Variants in AFG3L2 observed in about 807,000 individuals in gnomAD.
The protein encoded by AFG3L2 is AFG3 like matrix AAA peptidase subunit 2.
In AFG3L2, 54 loss-of-function variants were observed where a neutral mutation model predicts 94.5. That is an observed-to-expected ratio of 0.57 (90% CI 0.46 to 0.72). The LOEUF (loss-of-function observed/expected upper bound fraction) is 0.72, where lower values mean the gene tolerates loss of function less well. AFG3L2 is among the 30% of genes least tolerant of loss of function. The probability of loss-of-function intolerance (pLI) is 0.00; values close to 1 mark genes in which losing one functional copy is unlikely to be tolerated. For missense variants in AFG3L2, 754 were observed against 994.9 expected, an observed-to-expected ratio of 0.76 and a Z score of 3.26; for synonymous variants, 377 against 365.5, an observed-to-expected ratio of 1.03 and a Z score of -0.36.
chr18:12,353,313 G>A (rs928486362), intron 9 of AFG3L2, among the ~76,000 whole-genome samples, 155 bp from the exon 10 acceptor site: 3 of 152,000 alleles, frequency 2.0e-5, no homozygotes, highest in East Asian at 1.9e-4. Context: ...TCAGGAGTTC[G>A]AGACCAGCCT....
chr18:12,348,150 G>A lies in AFG3L2; in HGVS notation c.1663+123C>T, dbSNP rs369782719. ...CATGACACCAAGAGAGCACAAATGTGGTGGGCCCCAGGGCTGAGTGGATAC... is the reference window on the plus strand; with the variant it reads ...CATGACACCAAGAGAGCACAAATGTAGTGGGCCCCAGGGCTGAGTGGATAC... On this transcript the variant is annotated intron_variant, in intron 13 of 16. Transcript: ENST00000269143. 1,624 of 792,828 alleles carry A rather than the reference G, an allele frequency of 2.0e-3. 39 individuals are homozygous for A. The South Asian group carries it at 0.023, about 11-fold the overall frequency. 49.1% of individuals were successfully genotyped at this position (792,828 alleles called of 1,614,324 possible).
intron 16 of AFG3L2, among the ~76,000 whole-genome samples, chr18:12,332,611 C>T (rs1196025381): frequency 1.3e-5 from 2 of 151,478 alleles, no homozygotes; most frequent in Non-Finnish European, 1.5e-5. Context: ...TAGAAACATT[C>T]TTGTTTCAGC....
intron 12 of AFG3L2, among the ~76,000 whole-genome samples, chr18:12,350,139 C>G (rs1293827594): frequency 6.6e-6 from 1 of 151,356 alleles, no homozygotes; most frequent in Non-Finnish European, 1.5e-5. Context: ...GCCTCCCGAA[C>G]AGCTGGGATT....
intron 13 of AFG3L2, among the ~76,000 whole-genome samples, chr18:12,345,503 A>G (rs1487174966): frequency 6.6e-6 from 1 of 152,236 alleles, no homozygotes; most frequent in East Asian, 1.9e-4. Flanking sequence ...CAAGACAAGC[A>G]TATGCCACAG....
chr18:12,337,290 A>C (rs1173342722), intron 16 of AFG3L2, 51 bp downstream of exon 16: 1 of 1,542,776 alleles, frequency 6.5e-7, no homozygotes, highest in South Asian at 1.1e-5. Flanking sequence ...CTATCACTTC[A>C]ATCTTTTTTT....
At chr18:12,345,432 T>C (rs920047059) in intron 13 of AFG3L2, among the ~76,000 whole-genome samples, 5 of 152,250 alleles carry the variant, frequency 3.3e-5, no homozygotes, top group African/African-American at 1.2e-4. Context: ...TGAGAATTTC[T>C]CAGCTGATGT....
chr18:12,371,724 A>G (rs750684566), intron 1 of AFG3L2, 33 bp from the exon 2 acceptor site: 13 of 1,576,612 alleles, frequency 8.2e-6, no homozygotes, highest in South Asian at 1.1e-5. Context: ...AACCATAGTT[A>G]TATCAAGATA....
At position 12,329,912 on chromosome 18, in the gene AFG3L2, A is replaced by G. The variant is rs1014512948; in HGVS notation, c.2176-129T>C. ...GACCAATGAAAAAGATGTCTCATAC[A>G]TAAGGTTGCATAGTTTTAGAGTAAG... On this transcript the variant is annotated intron_variant, in intron 16 of 16. Transcript: ENST00000269143. 9 of 793,762 alleles carry G rather than the reference A, an allele frequency of 1.1e-5. No individual in the cohort carries two copies. In the African/African-American group the frequency reaches 1.6e-4, roughly 14 times the overall value. 49.2% of individuals were successfully genotyped at this position (793,762 alleles called of 1,614,324 possible).
chr18:12,375,087 G>A (rs2143246395), intron 1 of AFG3L2, among the ~76,000 whole-genome samples: 1 of 151,034 alleles, frequency 6.6e-6, no homozygotes, highest in South Asian at 2.1e-4. Context: ...GAAAAGAAAA[G>A]GGATCAGAGC....
intron 3 of AFG3L2, among the ~76,000 whole-genome samples, chr18:12,368,032 T>A (rs1908862295): frequency 6.6e-6 from 1 of 152,124 alleles, no homozygotes. Context: ...CTGGGCATGG[T>A]GGCGCATGCC....
intron 16 of AFG3L2, among the ~76,000 whole-genome samples, chr18:12,335,713 C>G (rs1291194448): frequency 6.6e-6 from 1 of 152,242 alleles, no homozygotes; most frequent in Admixed American, 6.5e-5. Context: ...CTTCCTTCAG[C>G]TCTATGACCT....
At position 12,339,044 on chromosome 18, in the gene AFG3L2, G is replaced by A. The variant is rs115140920; in HGVS notation, c.1980+1157C>T. Among the ~76,000 whole-genome samples, 374 of 151,674 alleles carry A rather than the reference G, an allele frequency of 2.5e-3. 1 individual carries two copies. Among genetic ancestry groups the A allele is most frequent in the African/African-American group, 8.8e-3 (364 of 41,336 alleles). Reference sequence around the variant, plus strand: ...CCAAGGCGGGCGGATCACCAGGTCAGGAGACAAGACCATCCTGGCTAACAC... The same window carrying A: ...CCAAGGCGGGCGGATCACCAGGTCAAGAGACAAGACCATCCTGGCTAACAC... On this transcript the variant is annotated intron_variant, in intron 15 of 16. Transcript: ENST00000269143.
In AFG3L2 at chr18:12,350,823, C is replaced by T. The variant is rs544642109; in HGVS notation, c.1552+262G>A. 2.6e-5 allele frequency among the ~76,000 whole-genome samples: 4 copies of T among 152,222 alleles called. No individual in the cohort carries two copies. The East Asian group carries it at 5.8e-4, about 22-fold the overall frequency. On this transcript the variant is annotated intron_variant, in intron 12 of 16. Transcript: ENST00000269143. ...ATTAGCTGGGCATGGTGGTACATGCCTGTAGTCCCAGCTACAAACAAGGCT... is the reference window on the plus strand; with the variant it reads ...ATTAGCTGGGCATGGTGGTACATGCTTGTAGTCCCAGCTACAAACAAGGCT...
At position 12,337,200 on chromosome 18, in the gene AFG3L2, G is replaced by A. The variant is rs573683362; in HGVS notation, c.2175+141C>T. ...CCCGCTTGAAGACAGAGCAGACAAC[G>A]AAACATCAGAACGAACGGACCCATG... On this transcript the variant is annotated intron_variant, in intron 16 of 16. Coordinates refer to ENST00000269143, the MANE Select transcript of AFG3L2 (RefSeq NM_006796.3). 9 of 777,420 alleles carry A rather than the reference G, an allele frequency of 1.2e-5. No individual in the cohort carries two copies. In the East Asian group the frequency reaches 1.5e-4, roughly 13 times the overall value. 48.2% of individuals were successfully genotyped at this position (777,420 alleles called of 1,614,324 possible).
chr18:12,358,251 C>T (rs1368631591), intron 8 of AFG3L2, among the ~76,000 whole-genome samples: 1 of 152,196 alleles, frequency 6.6e-6, no homozygotes, highest in African/African-American at 2.4e-5. Flanking sequence ...GTGCTGTGTC[C>T]TCTCCACTGG....
At chr18:12,337,241 G>C (rs987408543) in intron 16 of AFG3L2, 100 bp downstream of exon 16, 16 of 1,045,440 alleles carry the variant, frequency 1.5e-5, no homozygotes, top group Non-Finnish European at 2.2e-5. Context: ...GCCAGAGAGA[G>C]GGAATTCTGC....
At chr18:12,363,500 A>G (rs1208769056) in intron 6 of AFG3L2, among the ~76,000 whole-genome samples, 1 of 152,214 alleles carries the variant, frequency 6.6e-6, no homozygotes, top group Non-Finnish European at 1.5e-5. Flanking sequence ...GTCACAGACT[A>G]TTCTGGAATA....
Position 12,329,095 on chromosome 18 carries a change from T to C in AFG3L2, c.*470A>G, listed in dbSNP as rs1907425302. On this transcript the variant is annotated 3_prime_UTR_variant, in exon 17 of 17. Transcript: ENST00000269143. ...AGTGATCTGGATTCAATCTTTAAAATATTAAGTCAAATTAAAATGTTCTTA... is the reference window on the plus strand; with the variant it reads ...AGTGATCTGGATTCAATCTTTAAAACATTAAGTCAAATTAAAATGTTCTTA... The C allele has an allele frequency of 1.4e-5, 10 of 702,292 alleles. No individual in the cohort carries two copies. In the Admixed American group the frequency reaches 2.0e-4, roughly 14 times the overall value. The allele number at this position is 702,292 out of a possible 1,614,324, so 43.5% of individuals were successfully genotyped here.
intron 16 of AFG3L2, among the ~76,000 whole-genome samples, chr18:12,331,856 T>A (rs1907542533): frequency 7.4e-6 from 1 of 134,332 alleles, no homozygotes; most frequent in African/African-American, 3.0e-5. Context: ...TATATATATA[T>A]ATATAAAACA....
Sources: allele counts gnomAD v4.1 joint callset (sites outside exome capture counted in the v4.1 genomes callset), GRCh38; gene constraint gnomAD v4.1.1; transcripts MANE v1.5; gene names NCBI Gene and HGNC (gene_info 2026-07-23, HGNC 2026-07-21).